The following UBN1 variants were observed in gnomAD, a reference collection of about 807,000 sequenced individuals.
UBN1 encodes ubinuclein-1.
A neutral mutation model predicts 108.5 loss-of-function variants in UBN1; 17 were observed. The ratio of observed to expected loss-of-function variants is 0.16; its 90% confidence interval spans 0.11 to 0.24. UBN1 has a LOEUF of 0.24. Ranked by LOEUF, UBN1 falls within the 10% of genes least tolerant of loss-of-function variation. The pLI, the probability that UBN1 is intolerant of heterozygous loss-of-function variation, is 1.00. For synonymous variants in UBN1, 726 were observed against 564.2 expected, an observed-to-expected ratio of 1.29 and a Z score of -4.07; for missense variants, 1,595 against 1,394.4, an observed-to-expected ratio of 1.14 and a Z score of -2.29.
At chr16:4,860,020 G>T in intron 6 of UBN1, 52 bp downstream of exon 6, 1 of 1,605,416 alleles carries the variant, frequency 6.2e-7, no homozygotes, top group South Asian at 1.1e-5. Context: ...GTTAGGGCAG[G>T]ACGACTGGGA....
At chr16:4,879,376 G>C (rs1471583421) in intron 17 of UBN1, among the ~76,000 whole-genome samples, 2 of 151,476 alleles carry the variant, frequency 1.3e-5, no homozygotes, top group African/African-American at 2.4e-5. Flanking sequence ...GAATCAGAGG[G>C]TATAGTGTGC....
At chr16:4,853,435 C>T (rs1044644801) in intron 2 of UBN1, among the ~76,000 whole-genome samples, 1 of 152,174 alleles carries the variant, frequency 6.6e-6, no homozygotes, top group East Asian at 1.9e-4. Context: ...GTAAATGAAA[C>T]CAGTCCCTGA....
chr16:4,880,212 G>T lies in UBN1; in HGVS notation c.*80G>T, dbSNP rs1016950769. On this transcript the variant is annotated 3_prime_UTR_variant, in exon 18 of 18. Transcript: ENST00000262376. ...GTCTCCCAGGATGTACACTCACTGCGCCCTTTCTGCTGCTTGGTGTTCTTC... is the reference window on the plus strand; with the variant it reads ...GTCTCCCAGGATGTACACTCACTGCTCCCTTTCTGCTGCTTGGTGTTCTTC... 3.4e-6 allele frequency: 5 copies of T among 1,461,148 alleles called. No homozygotes were observed. The African/African-American group carries it at 5.6e-5, about 16-fold the overall frequency. The allele number at this position is 1,461,148 out of a possible 1,614,324, so 90.5% of individuals were successfully genotyped here.
rs539541923 is a variant in UBN1, at chr16:4,872,926, T to C, written c.1749T>C (p.Thr583=). 1.2e-6 allele frequency: 2 copies of C among 1,614,234 alleles called. No homozygotes were observed. The highest frequency in any genetic ancestry group is 2.7e-5 in the African/African-American group (2 of 75,064). The change falls in exon 13 of 18, where the codon ACT becomes ACC. Residue 583 remains threonine (T), a synonymous_variant. Coordinates refer to ENST00000262376, the MANE Select transcript of UBN1 (RefSeq NM_001079514.3). ...GCAGACGAGGCCATGGGCACCTGAC[T>C]TCAATCCTGTGAGTGTCTTGGTATT... The part of the protein sequence containing the change: ...KESRRGHGHL[T]SILAKKKVMA...
At chr16:4,860,048 C>A in intron 6 of UBN1, 80 bp downstream of exon 6, 1 of 1,568,230 alleles carries the variant, frequency 6.4e-7, no homozygotes, top group Non-Finnish European at 8.7e-7. Context: ...CACCTCCTCC[C>A]CACAGCTTCG....
intron 8 of UBN1, among the ~76,000 whole-genome samples, chr16:4,869,232 G>C (rs2087487011): frequency 6.6e-6 from 1 of 152,166 alleles, no homozygotes; most frequent in Non-Finnish European, 1.5e-5. Context: ...TTGCCTGACT[G>C]TCTCTGAGAA....
At chr16:4,861,339 G>T (rs2087051016) in intron 7 of UBN1, among the ~76,000 whole-genome samples, 1 of 152,196 alleles carries the variant, frequency 6.6e-6, no homozygotes, top group Admixed American at 6.5e-5. Flanking sequence ...TTTCTTCTGG[G>T]GAGATTGTTC....
At position 4,860,687 on chromosome 16, in the gene UBN1, A is replaced by G. The variant is rs754681476; in HGVS notation, c.695A>G (p.Lys232Arg). The G allele has an allele frequency of 1.2e-6, 2 of 1,613,028 alleles. No homozygotes were observed. Among genetic ancestry groups the G allele is most frequent in the Non-Finnish European group, 1.7e-6 (2 of 1,179,830 alleles). Residue 232 changes from lysine (K) to arginine (R), a missense_variant, in exon 7 of 18, where the codon AAG becomes AGG. Around this residue, in one of 3 missense-constraint regions of UBN1, gnomAD observed 1,398 missense variants for 1,194.7 expected, o/e 1.17. Coordinates refer to ENST00000262376, the MANE Select transcript of UBN1 (RefSeq NM_001079514.3). ...KAGFTALNAS[K>R]EKKKKKYSGA... ...AGCTTCACAGCCCTCAATGCCAGTA[A>G]GGAGAAGAAGAAGAAGAAATATTCT...
intron 1 of UBN1, among the ~76,000 whole-genome samples, chr16:4,850,373 G>C (rs1689591989): frequency 6.6e-6 from 1 of 152,204 alleles, no homozygotes; most frequent in Non-Finnish European, 1.5e-5. Context: ...TTTACTGCCT[G>C]GACAGGGGGA....
At chr16:4,851,641 G>A (rs1455269030) in intron 1 of UBN1, among the ~76,000 whole-genome samples, 1 of 152,004 alleles carries the variant, frequency 6.6e-6, no homozygotes, top group Non-Finnish European at 1.5e-5. Flanking sequence ...CAACATAGTG[G>A]GTCAGCATCT....
At chr16:4,874,126 G>C in intron 14 of UBN1, 85 bp from the exon 15 acceptor site, 1 of 1,466,746 alleles carries the variant, frequency 6.8e-7, no homozygotes, top group Non-Finnish European at 9.0e-7. Flanking sequence ...TTTTTGACTC[G>C]AGTTCACATG....
At chr16:4,868,019 A>C (rs1310206069) in intron 7 of UBN1, among the ~76,000 whole-genome samples, 1 of 152,300 alleles carries the variant, frequency 6.6e-6, no homozygotes, top group East Asian at 1.9e-4. Context: ...GAGAGTGTGC[A>C]TTCCTGAATC....
chr16:4,856,650 TAC>T (rs1445459752), intron 2 of UBN1, among the ~76,000 whole-genome samples: 1 of 151,292 alleles, frequency 6.6e-6, no homozygotes, highest in African/African-American at 2.5e-5. Context: ...CCTTCCGTCA[TAC>T]AGTCAGGAAA....
chr16:4,875,955 TTTTTTTC>T (rs1340260290), intron 15 of UBN1, among the ~76,000 whole-genome samples: 1 of 132,328 alleles, frequency 7.6e-6, no homozygotes, highest in Non-Finnish European at 1.7e-5. Context: ...TTTTCTTTTC[TTTTTTTC>T]TTTTTTTTTT....
At chr16:4,860,328 C>T (rs1205459636) in intron 6 of UBN1, among the ~76,000 whole-genome samples, 1 of 152,224 alleles carries the variant, frequency 6.6e-6, no homozygotes, top group Non-Finnish European at 1.5e-5. Flanking sequence ...CTTCAAGTTG[C>T]TGCTGTTCTC....
chr16:4,866,004 A>C (rs931255266), intron 7 of UBN1, among the ~76,000 whole-genome samples: 2 of 152,066 alleles, frequency 1.3e-5, no homozygotes, highest in Non-Finnish European at 2.9e-5. Context: ...AATAAGATAA[A>C]ATTTGATTGG....
chr16:4,882,018 C>T lies in UBN1; in HGVS notation c.*1886C>T, dbSNP rs1180076259. 2 of 152,308 alleles carry T rather than the reference C, an allele frequency of 1.3e-5. No individual in the cohort carries two copies. The highest frequency in any genetic ancestry group is 4.8e-5 in the African/African-American group (2 of 41,338). 9.4% of individuals were successfully genotyped at this position (152,308 alleles called of 1,614,324 possible). ...CATTTTTAGGAATCTAGTGATGCCTCTTGCCTCAGGGAAACGTTTCTTTGA... is the reference window on the plus strand; with the variant it reads ...CATTTTTAGGAATCTAGTGATGCCTTTTGCCTCAGGGAAACGTTTCTTTGA... On this transcript the variant is annotated 3_prime_UTR_variant, in exon 18 of 18. Coordinates refer to ENST00000262376, the MANE Select transcript of UBN1 (RefSeq NM_001079514.3).
In UBN1 at chr16:4,872,954, C is replaced by A. The variant is rs1247833914; in HGVS notation, c.1757+20C>A. 1.9e-6 allele frequency: 3 copies of A among 1,614,100 alleles called. No individual in the cohort carries two copies. The highest frequency in any genetic ancestry group is 2.5e-6 in the Non-Finnish European group (3 of 1,180,044). On this transcript the variant is annotated intron_variant, in intron 13 of 17. Transcript: ENST00000262376. ...AATCCTGTGAGTGTCTTGGTATTTT[C>A]ACATCTCGGGACAAGTGTTGTTTTT...
Position 4,859,920 on chromosome 16 carries a change from C to G in UBN1, c.623C>G (p.Thr208Ser). 1 of 1,614,138 alleles carries G rather than the reference C, an allele frequency of 6.2e-7. No homozygotes were observed. Among genetic ancestry groups the G allele is most frequent in the East Asian group, 2.2e-5 (1 of 44,878 alleles). The change falls in exon 6 of 18, where the codon ACT (threonine) becomes AGT (serine). Residue 208 changes from threonine (T) to serine (S), a missense_variant. Thr to Ser is a moderately conservative substitution (Grantham distance 58, BLOSUM62 1). Transcript: ENST00000262376. ...ATAAAGAAGAAGAAAAAAGATGACACTTATGACAAGGAGAAGAAATCGAAA... is the reference window on the plus strand; with the variant it reads ...ATAAAGAAGAAGAAAAAAGATGACAGTTATGACAAGGAGAAGAAATCGAAA... ...EKIKKKKKDD[T>S]YDKEKKSKKS...
Sources: gnomAD v4.1 joint callset for allele counts (sites outside exome capture counted in the v4.1 genomes callset) on GRCh38, gnomAD v4.1.1 for gene constraint, gnomAD v4.1.1 regional missense constraint, MANE v1.5 for transcripts, NCBI Gene and HGNC (gene_info 2026-07-23, HGNC 2026-07-21) for gene names.